Variants in AQR observed in about 807,000 individuals in gnomAD.
AQR encodes aquarius intron-binding spliceosomal factor.
Under a neutral mutation model 180.5 loss-of-function variants are expected in AQR, and 61 were observed. The observed-to-expected ratio is 0.34, with a 90% CI of 0.28 to 0.42. AQR has a LOEUF of 0.42. Among genes scored for constraint, AQR ranks in the 10% least tolerant of loss-of-function variants. The pLI is 1.00. For synonymous variants in AQR, 551 were observed against 588.8 expected (o/e 0.94, Z 0.93); for missense variants, 1,281 against 1,798.3 (o/e 0.71, Z 5.20).
At chr15:34,943,265 T>C (rs1344145730) in intron 6 of AQR, 16 of 1,598,054 alleles carry the variant, frequency 1.0e-5, no homozygotes, top group Non-Finnish European at 1.4e-5. Flanking sequence ...AGGCTAAAAC[T>C]ACAAAGATTG....
intron 11 of AQR, 45 bp downstream of exon 11, chr15:34,932,273 T>C (rs1202502711): frequency 6.6e-7 from 1 of 1,510,552 alleles, no homozygotes; most frequent in Non-Finnish European, 9.2e-7. Flanking sequence ...AAAGATCAAT[T>C]TAGAAAGTAA....
intron 18 of AQR, among the ~76,000 whole-genome samples, 175 bp from the exon 19 acceptor site, chr15:34,904,680 G>T (rs1893384675): frequency 6.6e-6 from 1 of 150,530 alleles, no homozygotes; most frequent in Admixed American, 6.6e-5. Flanking sequence ...GATGCTGAAA[G>T]TATTTTCTTC....
rs559720331 is a variant in AQR at position 34,930,963 on chromosome 15, A to G, written c.901-592T>C. 1.2e-3 allele frequency among the ~76,000 whole-genome samples: 178 copies of G among 151,726 alleles called. 1 individual carries two copies. The highest frequency in any genetic ancestry group is 4.1e-3 in the African/African-American group (170 of 41,280). On this transcript the variant is annotated intron_variant, in intron 11 of 34. Transcript: ENST00000156471. ...GCCATTCTCCTGCCTCAGCCTCCGG[A>G]GTAGCTGGGACTACAGGCGCCCACC...
intron 32 of AQR, 123 bp downstream of exon 32, chr15:34,867,401 C>T: frequency 1.3e-6 from 1 of 753,526 alleles, no homozygotes; most frequent in Non-Finnish European, 2.2e-6. Context: ...CAAAAAGCAG[C>T]AAAAGTTGCC....
At chr15:34,969,151 C>T (rs2050329898) in intron 1 of AQR, among the ~76,000 whole-genome samples, 1 of 152,166 alleles carries the variant, frequency 6.6e-6, no homozygotes, top group African/African-American at 2.4e-5. Flanking sequence ...AAAGCCTACT[C>T]CTACTTGAAG....
rs767033830 is a variant in AQR at position 34,867,520 on chromosome 15, G to A, written c.3854+4C>T. On this transcript the variant is annotated splice_donor_region_variant and intron_variant, in intron 32 of 34. Coordinates refer to ENST00000156471, the MANE Select transcript of AQR (RefSeq NM_014691.3). ...AAATATTATGAAAGTTTTTTCCTAC[G>A]TACCTCAGATGGCCCACTGCCCTGG... is the stretch of plus-strand genomic sequence containing the variant. The A allele has an allele frequency of 1.7e-5, 28 of 1,609,886 alleles. No individual in the cohort carries two copies. Among genetic ancestry groups the A allele is most frequent in the Middle Eastern group, 1.7e-4 (1 of 6,058 alleles).
intron 30 of AQR, among the ~76,000 whole-genome samples, 193 bp downstream of exon 30, chr15:34,873,635 T>C (rs1892853153): frequency 6.6e-6 from 1 of 152,162 alleles, no homozygotes; most frequent in Non-Finnish European, 1.5e-5. Flanking sequence ...TTTCTTCTAG[T>C]AGTTTCTAGT....
At chr15:34,959,346 T>G (rs1379965257) in intron 3 of AQR, among the ~76,000 whole-genome samples, 1 of 152,152 alleles carries the variant, frequency 6.6e-6, no homozygotes, top group Non-Finnish European at 1.5e-5. Context: ...GTGTTTTTTC[T>G]GGACACAGGG....
At chr15:34,908,423 G>A (rs2140479975) in intron 17 of AQR, among the ~76,000 whole-genome samples, 1 of 151,710 alleles carries the variant, frequency 6.6e-6, no homozygotes. Context: ...GCGACAGAGT[G>A]AGACTCCGTC....
At chr15:34,857,167 C>A in intron 34 of AQR, 61 bp from the exon 35 acceptor site, 1 of 1,436,592 alleles carries the variant, frequency 7.0e-7, no homozygotes, top group Admixed American at 2.5e-5. Context: ...TAAAGCTAAG[C>A]TCTCACATTA....
intron 2 of AQR, among the ~76,000 whole-genome samples, chr15:34,961,452 A>C (rs529011986): frequency 6.6e-6 from 1 of 152,146 alleles, no homozygotes; most frequent in African/African-American, 2.4e-5. Flanking sequence ...TCTACTAAAA[A>C]TACAAATATT....
In AQR at chr15:34,882,402, G is replaced by T. The variant is rs900066111; in HGVS notation, c.3165+100C>A. On this transcript the variant is annotated intron_variant, in intron 27 of 34. Transcript: ENST00000156471. Reference sequence around the variant, plus strand: ...GGGATATTATCATCCACTTATAAAAGAAACATTTTAAGGTAATTATAAATA... The same window carrying T: ...GGGATATTATCATCCACTTATAAAATAAACATTTTAAGGTAATTATAAATA... 1.1e-5 allele frequency: 13 copies of T among 1,220,182 alleles called. 1 individual carries two copies. The African/African-American group carries it at 2.0e-4, about 19-fold the overall frequency. 75.6% of individuals were successfully genotyped at this position (1,220,182 alleles called of 1,614,324 possible).
At chr15:34,915,347 T>G (rs1893564935) in intron 15 of AQR, among the ~76,000 whole-genome samples, 168 bp from the exon 16 acceptor site, 1 of 151,874 alleles carries the variant, frequency 6.6e-6, no homozygotes, top group East Asian at 2.0e-4. Flanking sequence ...CCTGCCACCA[T>G]GCCTGGCTAA....
chr15:34,882,478 A>C lies in AQR; in HGVS notation c.3165+24T>G, dbSNP rs573531876. The C allele has an allele frequency of 3.2e-5, 46 of 1,458,246 alleles. No homozygotes were observed. In the African/African-American group the frequency reaches 4.6e-4, roughly 15 times the overall value. The allele number at this position is 1,458,246 out of a possible 1,614,324, so 90.3% of individuals were successfully genotyped here. A position where few individuals can be genotyped will look rare whatever the true frequency, so the allele number is the denominator to read the frequency against. ...CTCTGATAATCTTAAAAAAAAAAAA[A>C]AAAAAACTACCATAAGTCTTTACCT... On this transcript the variant is annotated intron_variant, in intron 27 of 34. Coordinates refer to ENST00000156471, the MANE Select transcript of AQR (RefSeq NM_014691.3).
chr15:34,961,610 C>A, intron 2 of AQR, among the ~76,000 whole-genome samples: 1 of 85,934 alleles, frequency 1.2e-5, no homozygotes. Flanking sequence ...GAGACTCCAT[C>A]TCAAAAAAAA....
At position 34,856,226 on chromosome 15, in the gene AQR, A is replaced by G. The variant is rs866778230; in HGVS notation, c.*566T>C. The stretch of plus-strand genomic sequence containing the variant: ...AGGTGTGCCTCAAGAATAAACAGAC[A>G]TCTTAGGTGATTCTAAGGCATTCTA... On this transcript the variant is annotated 3_prime_UTR_variant, in exon 35 of 35. Transcript: ENST00000156471. 50 of 228,174 alleles carry G rather than the reference A, an allele frequency of 2.2e-4. No individual in the cohort carries two copies. Among genetic ancestry groups the G allele is most frequent in the African/African-American group, 1.0e-3 (45 of 44,676 alleles). The allele number at this position is 228,174 out of a possible 1,614,324, so 14.1% of individuals were successfully genotyped here.
At chr15:34,938,967 A>G (rs1477562067) in intron 8 of AQR, among the ~76,000 whole-genome samples, 154 bp from the exon 9 acceptor site, 1 of 152,176 alleles carries the variant, frequency 6.6e-6, no homozygotes, top group Non-Finnish European at 1.5e-5. Flanking sequence ...TCTTCTTTCT[A>G]TGTAAATACA....
At position 34,893,763 on chromosome 15, in the gene AQR, G is replaced by A. The variant is rs1156318326; in HGVS notation, c.2471C>T (p.Pro824Leu). 1 of 1,614,046 alleles carries A rather than the reference G, an allele frequency of 6.2e-7. No homozygotes were observed. Among genetic ancestry groups the A allele is most frequent in the Non-Finnish European group, 8.5e-7 (1 of 1,179,968 alleles). Reference protein sequence around the residue: ...MQPGLTMVVGPPGTGKTDVAV... With the variant: ...MQPGLTMVVGLPGTGKTDVAV... ...CACATCTGTTTTGCCTGTACCAGGTGGGCCCACAACCTAAAAAGAAGATGA... is the reference window on the plus strand; with the variant it reads ...CACATCTGTTTTGCCTGTACCAGGTAGGCCCACAACCTAAAAAGAAGATGA... The change falls in exon 23 of 35, where the codon CCA becomes CTA. Residue 824 changes from proline to leucine, a missense_variant. Pro to Leu is a moderately conservative substitution (Grantham distance 98, BLOSUM62 -3). Coordinates refer to ENST00000156471, the MANE Select transcript of AQR (RefSeq NM_014691.3).
At chr15:34,955,351 A>G (rs1894294447) in intron 3 of AQR, among the ~76,000 whole-genome samples, 1 of 152,182 alleles carries the variant, frequency 6.6e-6, no homozygotes, top group Non-Finnish European at 1.5e-5. Flanking sequence ...ATCATTAAAT[A>G]TGATAAGAAA....
Sources: allele counts gnomAD v4.1 joint callset (sites outside exome capture counted in the v4.1 genomes callset), GRCh38; gene constraint gnomAD v4.1.1; transcripts MANE v1.5; gene names NCBI Gene and HGNC (gene_info 2026-07-23, HGNC 2026-07-21).